Variants in GPAT3 observed in about 807,000 individuals in gnomAD.
GPAT3 encodes the protein glycerol-3-phosphate acyltransferase 3, also known as 1-AGP acyltransferase 9.
A neutral mutation model predicts 58.8 loss-of-function variants in GPAT3; 53 were observed. The observed-to-expected ratio is 0.90, with a 90% CI of 0.72 to 1.13. GPAT3 has a LOEUF of 1.13. GPAT3 is among the 50% of genes most tolerant of loss of function. GPAT3 has a pLI of 0.00. For missense variants in GPAT3, 511 were observed against 527.6 expected (o/e 0.97, Z 0.31); for synonymous variants, 197 against 187.4 (o/e 1.05, Z -0.42).
intron 2 of GPAT3, among the ~76,000 whole-genome samples, chr4:83,566,419 T>TTTATTA (rs10688921): frequency 0.19 from 27,592 of 143,442 alleles, 2,927 homozygotes; most frequent in South Asian, 0.3. Flanking sequence ...AATTAATTAA[T>TTTATTA]TTATTATTAT....
intron 2 of GPAT3, among the ~76,000 whole-genome samples, chr4:83,547,666 G>C (rs1724594575): frequency 6.6e-6 from 1 of 151,836 alleles, no homozygotes; most frequent in Non-Finnish European, 1.5e-5. Flanking sequence ...TATTGAATAA[G>C]CCAACTGAAA....
At chr4:83,584,640 G>C (rs1726310375) in intron 3 of GPAT3, among the ~76,000 whole-genome samples, 1 of 152,188 alleles carries the variant, frequency 6.6e-6, no homozygotes, top group Non-Finnish European at 1.5e-5. Flanking sequence ...CGAGTAGCTG[G>C]AATTACAGGC....
intron 2 of GPAT3, among the ~76,000 whole-genome samples, chr4:83,562,225 A>AATATAT (rs1553944929): frequency 1.1e-3 from 68 of 61,410 alleles, no homozygotes; most frequent in African/African-American, 5.2e-3. Context: ...ATATATATAT[A>AATATAT]ATATATATAT....
chr4:83,546,379 G>T (rs1578160962), intron 2 of GPAT3, among the ~76,000 whole-genome samples: 4 of 136,110 alleles, frequency 2.9e-5, no homozygotes, highest in Non-Finnish European at 4.7e-5. Flanking sequence ...CGTGGATTTA[G>T]TTTTTTTTTT....
intron 6 of GPAT3, 56 bp downstream of exon 6, chr4:83,590,348 C>G: frequency 6.4e-7 from 1 of 1,555,874 alleles, no homozygotes; most frequent in South Asian, 1.2e-5. Flanking sequence ...ATTGATCAAA[C>G]TTTTTATTTT....
intron 2 of GPAT3, among the ~76,000 whole-genome samples, chr4:83,569,325 C>G (rs1267680344): frequency 6.6e-6 from 1 of 152,174 alleles, no homozygotes. Context: ...GTCTTTTGCT[C>G]AAAGACCTTG....
At chr4:83,580,241 GCA>G (rs1726057084) in intron 2 of GPAT3, among the ~76,000 whole-genome samples, 1 of 152,082 alleles carries the variant, frequency 6.6e-6, no homozygotes, top group African/African-American at 2.4e-5. Context: ...TACAGTAACA[GCA>G]CAGAGAGGAA....
intron 2 of GPAT3, among the ~76,000 whole-genome samples, chr4:83,557,995 C>T (rs1046468227): frequency 6.6e-6 from 1 of 152,044 alleles, no homozygotes; most frequent in Non-Finnish European, 1.5e-5. Context: ...GGTGAATCAC[C>T]TGAGGTCAGG....
At chr4:83,540,408 C>A (rs889289209) in intron 1 of GPAT3, among the ~76,000 whole-genome samples, 1 of 152,108 alleles carries the variant, frequency 6.6e-6, no homozygotes, top group Non-Finnish European at 1.5e-5. Flanking sequence ...TTCTGAGATA[C>A]CCCTGTAAGA....
intron 2 of GPAT3, among the ~76,000 whole-genome samples, chr4:83,547,470 T>C (rs989917681): frequency 9.2e-5 from 14 of 151,964 alleles, no homozygotes; most frequent in Non-Finnish European, 1.5e-4. Flanking sequence ...GCCAGGATGG[T>C]CTCGATCTCC....
chr4:83,591,760 A>G (rs1726609473), intron 6 of GPAT3, among the ~76,000 whole-genome samples: 1 of 152,146 alleles, frequency 6.6e-6, no homozygotes, highest in Non-Finnish European at 1.5e-5. Context: ...AGATTTTATT[A>G]TAGATGAGGA....
chr4:83,593,401 A>G (rs1443124255), intron 6 of GPAT3, among the ~76,000 whole-genome samples: 4 of 151,626 alleles, frequency 2.6e-5, no homozygotes, highest in Non-Finnish European at 5.9e-5. Flanking sequence ...CCTGACCTCA[A>G]GTAATCCTCC....
intron 3 of GPAT3, among the ~76,000 whole-genome samples, chr4:83,585,238 G>A (rs1726334244): frequency 6.6e-6 from 1 of 151,518 alleles, no homozygotes; most frequent in Non-Finnish European, 1.5e-5. Context: ...AGGAAAGCAT[G>A]TTCAAAAAGC....
upstream of GPAT3, chr4:83,535,699 G>A: frequency 1.0e-6 from 1 of 985,410 alleles, no homozygotes; most frequent in Non-Finnish European, 1.2e-6. Context: ...CCTACTCTCG[G>A]GATAAGCAAG....
chr4:83,562,179 T>C (rs1336609390), intron 2 of GPAT3, among the ~76,000 whole-genome samples: 1 of 86,174 alleles, frequency 1.2e-5, no homozygotes, highest in African/African-American at 5.6e-5. Context: ...ATTTTATATA[T>C]TATATATATA....
chr4:83,600,565 G>A (rs185655796), intron 11 of GPAT3, among the ~76,000 whole-genome samples: 1 of 152,154 alleles, frequency 6.6e-6, no homozygotes, highest in Non-Finnish European at 1.5e-5. Context: ...GTGCAGTGGT[G>A]CAATCTGGGT....
intron 3 of GPAT3, among the ~76,000 whole-genome samples, chr4:83,584,128 C>T (rs1239974974): frequency 6.6e-6 from 1 of 152,192 alleles, no homozygotes; most frequent in Non-Finnish European, 1.5e-5. Context: ...TAGCTTTCAC[C>T]ATGCTGTGGG....
chr4:83,564,703 A>G (rs979887519), intron 2 of GPAT3, among the ~76,000 whole-genome samples: 4 of 150,830 alleles, frequency 2.7e-5, no homozygotes, highest in Admixed American at 6.6e-5. Context: ...TGTCACAAAA[A>G]AAGAAAAAAA....
At position 83,544,532 on chromosome 4, in the gene GPAT3, A is replaced by T. The variant is rs766798430; in HGVS notation, c.142-4A>T. ...TTAAATTAATATTTCTTGTTTTTGA[A>T]CAGTGGGCCACAATACGAATTGAAA... On this transcript the variant is annotated splice_polypyrimidine_tract_variant and splice_region_variant and intron_variant, in intron 1 of 11. Transcript: ENST00000264409. The T allele has an allele frequency of 1.5e-5, 24 of 1,613,854 alleles. No individual in the cohort carries two copies. Among genetic ancestry groups the T allele is most frequent in the Non-Finnish European group, 2.0e-5 (24 of 1,179,828 alleles).
Sources: allele counts gnomAD v4.1 joint callset (sites outside exome capture counted in the v4.1 genomes callset), GRCh38; gene constraint gnomAD v4.1.1; transcripts MANE v1.5; gene names NCBI Gene and HGNC (gene_info 2026-07-23, HGNC 2026-07-21).